GCH1: variants seen among roughly 807,000 people sequenced by gnomAD.
GCH1 encodes GTP cyclohydrolase I.
GCH1 carries 5 observed loss-of-function variants against 25.9 expected under a neutral mutation model. The ratio of observed to expected loss-of-function variants is 0.19; its 90% CI spans 0.10 to 0.41. The LOEUF (loss-of-function observed/expected upper bound fraction) is 0.41. Among genes scored for constraint, GCH1 ranks in the 10% least tolerant of loss-of-function variants. The pLI is 1.00. For synonymous variants in GCH1, 159 were observed against 129.6 expected, an observed-to-expected ratio of 1.23 and a Z score of -1.54; for missense variants, 261 against 336.5, an observed-to-expected ratio of 0.78 and a Z score of 1.75.
At chr14:54,865,945 G>C (rs1174915019) in intron 1 of GCH1, among the ~76,000 whole-genome samples, 7 of 152,048 alleles carry the variant, frequency 4.6e-5, no homozygotes, top group African/African-American at 1.4e-4. Context: ...TTTGTAAAGT[G>C]TTCTATATAT....
chr14:54,889,760 C>CA (rs997543807), intron 1 of GCH1, among the ~76,000 whole-genome samples: 1 of 152,206 alleles, frequency 6.6e-6, no homozygotes, highest in African/African-American at 2.4e-5. Flanking sequence ...GAACAAACCT[C>CA]AGGATCTTCA....
chr14:54,861,842 T>A (rs1261595501), intron 2 of GCH1, among the ~76,000 whole-genome samples: 14 of 152,238 alleles, frequency 9.2e-5, no homozygotes, highest in Admixed American at 6.5e-4. Flanking sequence ...GAGTACAGAA[T>A]CAGTGCCTTG....
intron 2 of GCH1, among the ~76,000 whole-genome samples, chr14:54,862,379 C>G (rs67378907): frequency 3.5e-5 from 2 of 57,398 alleles, no homozygotes; most frequent in African/African-American, 1.2e-4. Context: ...AAGCACTACT[C>G]TTTTTTTTTT....
chr14:54,897,958 T>G (rs1334668385), intron 1 of GCH1, among the ~76,000 whole-genome samples: 1 of 152,210 alleles, frequency 6.6e-6, no homozygotes, highest in Non-Finnish European at 1.5e-5. Flanking sequence ...AACACAAACC[T>G]AGATGAGATA....
Position 54,874,293 on chromosome 14 carries a change from C to T in GCH1, c.344-8857G>A, listed in dbSNP as rs907956016. ...AAAGTCCTGTGACAAAATTCAACAA[C>T]GCTTCATGCTAAAAACTCTCAATAA... is the stretch of plus-strand genomic sequence containing the variant. On this transcript the variant is annotated intron_variant, in intron 1 of 5. Coordinates refer to ENST00000491895, the MANE Select transcript of GCH1 (RefSeq NM_000161.3). Among the ~76,000 whole-genome samples, 11 of 152,324 alleles carry T rather than the reference C, an allele frequency of 7.2e-5. No individual in the cohort carries two copies. The East Asian group carries it at 9.6e-4, about 13-fold the overall frequency.
In GCH1 at chr14:54,902,527, C is replaced by T; in HGVS notation, c.137G>A (p.Ser46Asn). ...AEKPPRPEAK[S>N]AQPADGWKGE... Reference sequence around the variant, plus strand: ...CTTCCAGCCGTCCGCGGGCTGCGCGCTCTTGGCCTCGGGCCGCGGGGGCTT... The same window carrying T: ...CTTCCAGCCGTCCGCGGGCTGCGCGTTCTTGGCCTCGGGCCGCGGGGGCTT... Residue 46 changes from serine to asparagine, a missense_variant, in exon 1 of 6, where the codon AGC (serine) becomes AAC (asparagine). By Grantham distance (46) the Ser-to-Asn change is conservative. Around this residue, in one of 3 missense-constraint regions of GCH1, gnomAD observed 125 missense variants for 128.7 expected, o/e 0.97. Coordinates refer to ENST00000491895, the MANE Select transcript of GCH1 (RefSeq NM_000161.3). 1 of 1,583,102 alleles carries T rather than the reference C, an allele frequency of 6.3e-7. No homozygotes were observed. Among genetic ancestry groups the T allele is most frequent in the Non-Finnish European group, 8.6e-7 (1 of 1,166,610 alleles).
intron 1 of GCH1, among the ~76,000 whole-genome samples, chr14:54,888,161 GCAT>G (rs1347310010): frequency 6.6e-6 from 1 of 152,122 alleles, no homozygotes; most frequent in Non-Finnish European, 1.5e-5. Flanking sequence ...TCAAAAATCT[GCAT>G]CATAAGAAAA....
intron 1 of GCH1, among the ~76,000 whole-genome samples, chr14:54,873,823 T>C (rs1002876801): frequency 6.6e-6 from 1 of 152,068 alleles, no homozygotes; most frequent in African/African-American, 2.4e-5. Flanking sequence ...AATAGACCAA[T>C]AACAGGCTCT....
At chr14:54,882,074 A>G (rs1481396123) in intron 1 of GCH1, among the ~76,000 whole-genome samples, 2 of 152,384 alleles carry the variant, frequency 1.3e-5, no homozygotes, top group Non-Finnish European at 2.9e-5. Context: ...TGTAGAAATA[A>G]TCAAATGAGA....
chr14:54,882,564 T>C lies in GCH1; in HGVS notation c.344-17128A>G, dbSNP rs75276929. On this transcript the variant is annotated intron_variant, in intron 1 of 5. Coordinates refer to ENST00000491895, the MANE Select transcript of GCH1 (RefSeq NM_000161.3). The stretch of plus-strand genomic sequence containing the variant: ...ACACACACTTGCCAAATTTAGTTTT[T>C]TAACTGGATAATTTTGTATATCTTT... Among the ~76,000 whole-genome samples the C allele has an allele frequency of 4.2e-3, 643 of 152,354 alleles. 18 individuals are homozygous for C. In the East Asian group the frequency reaches 0.072, roughly 17 times the overall value.
chr14:54,902,245 C>T lies in GCH1; in HGVS notation c.343+76G>A, dbSNP rs534139027. 88 of 1,503,086 alleles carry T rather than the reference C, an allele frequency of 5.9e-5. No homozygotes were observed. The East Asian group carries it at 2.0e-3, about 35-fold the overall frequency. 93.1% of individuals were successfully genotyped at this position (1,503,086 alleles called of 1,614,324 possible). A position where few individuals can be genotyped will look rare whatever the true frequency, so the allele number is the denominator to read the frequency against. ...AAAAGTGAGGCAACTCCGGAAACTT[C>T]CTGGAGCCGGCGCGCGTTTCCTGCA... On this transcript the variant is annotated intron_variant, in intron 1 of 5. Transcript: ENST00000491895.
chr14:54,875,112 T>C lies in GCH1; in HGVS notation c.344-9676A>G, dbSNP rs2040138814. ...AGTAACCAAAACAGCATGGTACTGG[T>C]ACCAAAACAGAGATATAGACCAATG... On this transcript the variant is annotated intron_variant, in intron 1 of 5. Transcript: ENST00000491895. Among the ~76,000 whole-genome samples the C allele has an allele frequency of 3.3e-5, 5 of 152,312 alleles. No homozygotes were observed. In the South Asian group the frequency reaches 1.0e-3, roughly 32 times the overall value.
intron 1 of GCH1, among the ~76,000 whole-genome samples, chr14:54,877,696 T>C (rs1330063968): frequency 6.6e-6 from 1 of 152,150 alleles, no homozygotes; most frequent in Non-Finnish European, 1.5e-5. Flanking sequence ...GGTTTCGTCA[T>C]GTTGCCCAGG....
intron 2 of GCH1, among the ~76,000 whole-genome samples, chr14:54,862,823 T>C (rs567316972): frequency 7.0e-4 from 106 of 152,094 alleles, no homozygotes; most frequent in Middle Eastern, 3.4e-3. Flanking sequence ...ATCTAGTTTA[T>C]AGGAAATCCA....
chr14:54,868,269 T>C (rs1018912732), intron 1 of GCH1, among the ~76,000 whole-genome samples: 2 of 151,692 alleles, frequency 1.3e-5, no homozygotes, highest in African/African-American at 4.8e-5. Flanking sequence ...AGAAAAAAAT[T>C]AGCCAGGCAC....
At chr14:54,873,460 C>G (rs1186686707) in intron 1 of GCH1, among the ~76,000 whole-genome samples, 2 of 152,072 alleles carry the variant, frequency 1.3e-5, no homozygotes, top group Non-Finnish European at 2.9e-5. Context: ...CAAACATATT[C>G]AAAAGCTAGC....
chr14:54,886,340 C>G (rs927543872), intron 1 of GCH1: 3 of 152,646 alleles, frequency 2.0e-5, no homozygotes, highest in African/African-American at 7.2e-5. Flanking sequence ...AGGCCGGGCG[C>G]GGTGGCTCAT....
intron 1 of GCH1, among the ~76,000 whole-genome samples, chr14:54,891,902 C>T (rs1344760579): frequency 1.3e-5 from 2 of 152,114 alleles, no homozygotes; most frequent in Non-Finnish European, 2.9e-5. Context: ...TTTCAAGTAA[C>T]CCTTATTTTA....
chr14:54,855,121 A>G (rs948527262), intron 3 of GCH1, among the ~76,000 whole-genome samples: 1 of 152,194 alleles, frequency 6.6e-6, no homozygotes, highest in African/African-American at 2.4e-5. Flanking sequence ...AATTGTATTA[A>G]TCAAAGAAAT....
Sources: gnomAD v4.1 joint callset for allele counts (sites outside exome capture counted in the v4.1 genomes callset) on GRCh38, gnomAD v4.1.1 for gene constraint, gnomAD v4.1.1 regional missense constraint, MANE v1.5 for transcripts, NCBI Gene and HGNC (gene_info 2026-07-23, HGNC 2026-07-21) for gene names.